The following NAV2 variants were observed in gnomAD, a reference collection of about 807,000 sequenced individuals.
The protein encoded by NAV2 is neuron navigator 2, also known as helicase, APC down-regulated 1.
In NAV2, 54 loss-of-function variants were observed where a neutral mutation model predicts 223.2. The ratio of observed to expected loss-of-function variants is 0.24; its 90% CI spans 0.19 to 0.30. NAV2 has a LOEUF of 0.30. Among genes scored for constraint, NAV2 ranks in the 10% least tolerant of loss-of-function variants. The pLI, the probability that NAV2 is intolerant of heterozygous loss-of-function variation, is 1.00. For missense variants in NAV2, 2,806 were observed against 3,147.5 expected (o/e 0.89, Z 2.60); for synonymous variants, 1,279 against 1,239.3 (o/e 1.03, Z -0.67).
chr11:19,743,446 G>T (rs761647823), intron 1 of NAV2, among the ~76,000 whole-genome samples: 1 of 152,198 alleles, frequency 6.6e-6, no homozygotes, highest in Non-Finnish European at 1.5e-5. Flanking sequence ...TCTTCCACCC[G>T]TGCTGTGAGT....
chr11:20,005,641 A>G (rs911448405), intron 11 of NAV2, among the ~76,000 whole-genome samples: 7 of 152,014 alleles, frequency 4.6e-5, no homozygotes, highest in African/African-American at 1.7e-4. Flanking sequence ...ATACAGGGAC[A>G]GGGAATCAAC....
intron 1 of NAV2, among the ~76,000 whole-genome samples, chr11:19,631,491 T>C (rs2047344186): frequency 6.6e-6 from 1 of 151,974 alleles, no homozygotes; most frequent in East Asian, 1.9e-4. Context: ...ACAACAAGTG[T>C]TTTTTTATGG....
At chr11:19,772,692 G>A (rs542546418) in intron 1 of NAV2, among the ~76,000 whole-genome samples, 17 of 152,174 alleles carry the variant, frequency 1.1e-4, no homozygotes, top group Non-Finnish European at 2.2e-4. Context: ...TTAAGACCAT[G>A]TAAAAGCTGA....
At chr11:19,359,544 G>A (rs1167310718) in intron 1 of NAV2, among the ~76,000 whole-genome samples, 1 of 152,234 alleles carries the variant, frequency 6.6e-6, no homozygotes, top group African/African-American at 2.4e-5. Flanking sequence ...GGGGCAAATT[G>A]TGAGAGCAAG....
intron 10 of NAV2, among the ~76,000 whole-genome samples, chr11:19,971,892 G>A (rs188929544): frequency 2.0e-5 from 3 of 152,202 alleles, no homozygotes; most frequent in Non-Finnish European, 2.9e-5. Context: ...TAGTAGAGAC[G>A]GGGTTTCACC....
chr11:19,765,885 G>A (rs1284718234), intron 1 of NAV2, among the ~76,000 whole-genome samples: 1 of 151,980 alleles, frequency 6.6e-6, no homozygotes, highest in South Asian at 2.1e-4. Context: ...CCACCCCAAG[G>A]ACATGCTATC....
At chr11:19,960,562 A>G (rs2048263776) in intron 10 of NAV2, among the ~76,000 whole-genome samples, 1 of 151,696 alleles carries the variant, frequency 6.6e-6, no homozygotes, top group Non-Finnish European at 1.5e-5. Context: ...GCTGTCCTGC[A>G]TCCTTTAGGG....
At chr11:19,557,603 G>T (rs556084769) in intron 1 of NAV2, among the ~76,000 whole-genome samples, 3 of 152,300 alleles carry the variant, frequency 2.0e-5, no homozygotes, top group Admixed American at 2.0e-4. Flanking sequence ...TCTCCCAGGG[G>T]CCCTATCAGT....
At chr11:20,052,631 T>C (rs1235061400) in intron 17 of NAV2, among the ~76,000 whole-genome samples, 2 of 152,244 alleles carry the variant, frequency 1.3e-5, no homozygotes, top group African/African-American at 2.4e-5. Context: ...AGCTCTGGTT[T>C]TTTAAAAATT....
chr11:19,832,624 G>A (rs763472445), intron 2 of NAV2, 23 bp downstream of exon 2: 1 of 1,596,130 alleles, frequency 6.3e-7, no homozygotes, highest in Non-Finnish European at 8.6e-7. Context: ...TTTACCTTGG[G>A]GGTAATGAGT....
At chr11:19,437,952 C>T (rs1220605768) in intron 1 of NAV2, among the ~76,000 whole-genome samples, 1 of 152,180 alleles carries the variant, frequency 6.6e-6, no homozygotes, top group African/African-American at 2.4e-5. Flanking sequence ...TCCATAATAT[C>T]ACCCTCTGTG....
chr11:20,069,572 G>A (rs941845196), intron 22 of NAV2, among the ~76,000 whole-genome samples: 5 of 152,174 alleles, frequency 3.3e-5, no homozygotes, highest in African/African-American at 4.8e-5. Flanking sequence ...CTGATGCACA[G>A]CTGTGACCAG....
chr11:19,512,818 A>G (rs1391015649), intron 1 of NAV2, among the ~76,000 whole-genome samples: 3 of 152,190 alleles, frequency 2.0e-5, no homozygotes, highest in Non-Finnish European at 4.4e-5. Flanking sequence ...CAGACTATGC[A>G]GATCAGCACG....
At chr11:19,436,850 G>A (rs1487505974) in intron 1 of NAV2, among the ~76,000 whole-genome samples, 2 of 151,972 alleles carry the variant, frequency 1.3e-5, no homozygotes, top group Non-Finnish European at 2.9e-5. Flanking sequence ...TTTATAAATA[G>A]GATTGTTTTC....
At chr11:19,912,146 C>T (rs2043366868) in intron 6 of NAV2, among the ~76,000 whole-genome samples, 1 of 152,108 alleles carries the variant, frequency 6.6e-6, no homozygotes, top group Non-Finnish European at 1.5e-5. Flanking sequence ...AACTTTATCT[C>T]ATTAAATAAA....
In NAV2 at chr11:19,998,673, C is replaced by T. The variant is rs1243576546; in HGVS notation, c.2768+14426C>T. On this transcript the variant is annotated intron_variant, in intron 11 of 37. Transcript: ENST00000349880. The surrounding 1 kb of genome is among the most constrained non-coding windows in gnomAD (Gnocchi z 5.0). ...ATCTTCTCTTTCGTCAGAAGCTTTG[C>T]ACATACTGTCCCCTCTGCATAGACT... Among the ~76,000 whole-genome samples the T allele has an allele frequency of 3.3e-5, 5 of 151,688 alleles. No individual in the cohort carries two copies. Among genetic ancestry groups the T allele is most frequent in the African/African-American group, 1.2e-4 (5 of 41,372 alleles).
At chr11:19,590,242 AT>A (rs1292492658) in intron 1 of NAV2, among the ~76,000 whole-genome samples, 1 of 152,188 alleles carries the variant, frequency 6.6e-6, no homozygotes, top group Non-Finnish European at 1.5e-5. Context: ...AAAATCAGCT[AT>A]TTTTAAAATT....
Position 19,752,448 on chromosome 11 carries a change from A to G in NAV2, c.267+38486A>G, listed in dbSNP as rs118081547. Among the ~76,000 whole-genome samples the G allele has an allele frequency of 2.6e-5, 4 of 152,304 alleles. No individual in the cohort carries two copies. The East Asian group carries it at 5.8e-4, about 22-fold the overall frequency. ...TTCAAAAATCTTATAGAAAATGTCA[A>G]CCATAGGGATGGGAAAAGGATGATT... On this transcript the variant is annotated intron_variant, in intron 1 of 37. Coordinates refer to ENST00000349880, the MANE Select transcript of NAV2 (RefSeq NM_145117.5).
chr11:19,959,708 C>A (rs1445107024), intron 10 of NAV2, among the ~76,000 whole-genome samples: 1 of 152,192 alleles, frequency 6.6e-6, no homozygotes, highest in Non-Finnish European at 1.5e-5. Context: ...CCTCCCCAAG[C>A]CCCAAAGGGT....
Sources: allele counts gnomAD v4.1 joint callset (sites outside exome capture counted in the v4.1 genomes callset), GRCh38; gene constraint gnomAD v4.1.1; non-coding constraint Gnocchi (gnomAD v3.1); transcripts MANE v1.5; gene names NCBI Gene and HGNC (gene_info 2026-07-23, HGNC 2026-07-21).